Variants in RAB33B observed in about 807,000 individuals in gnomAD.
RAB33B encodes the protein RAB33B, member RAS oncogene family.
Under a neutral mutation model 15.0 loss-of-function variants are expected in RAB33B, and 6 were observed. The ratio of observed to expected loss-of-function variants is 0.40; its 90% CI spans 0.22 to 0.79. RAB33B has a LOEUF of 0.79. Among genes scored for constraint, RAB33B ranks in the 30% least tolerant of loss-of-function variants. The probability of loss-of-function intolerance (pLI) is 0.37; values close to 1 mark genes in which losing one functional copy is unlikely to be tolerated. For missense variants in RAB33B, 257 were observed against 296.4 expected (o/e 0.87, Z 0.98); for synonymous variants, 117 against 108.3 (o/e 1.08, Z -0.50).
chr4:139,476,399 A>G lies in RAB33B; in HGVS notation c.*3273A>G, dbSNP rs943497365. ...GGTCAGTTTATTTTACGTATAAGTT[A>G]CCCTTGTGTTCAAACACAAAATTGA... On this transcript the variant is annotated 3_prime_UTR_variant, in exon 2 of 2. Coordinates refer to ENST00000305626, the MANE Select transcript of RAB33B (RefSeq NM_031296.3). The G allele has an allele frequency of 1.3e-5, 2 of 152,194 alleles. No homozygotes were observed. The highest frequency in any genetic ancestry group is 4.8e-5 in the African/African-American group (2 of 41,438). 9.4% of individuals were successfully genotyped at this position (152,194 alleles called of 1,614,324 possible).
At chr4:139,470,038 TAA>T (rs1230658789) in intron 1 of RAB33B, among the ~76,000 whole-genome samples, 1 of 152,180 alleles carries the variant, frequency 6.6e-6, no homozygotes, top group Non-Finnish European at 1.5e-5. Context: ...AGGCCTGCTG[TAA>T]CTACTCCCTG....
chr4:139,442,830 C>T, the RAB33B span, among the ~76,000 whole-genome samples: 5 of 151,950 alleles, frequency 3.3e-5, no homozygotes, highest in African/African-American at 4.8e-5. Context: ...TCTAGAGAAA[C>T]CTAATACAGA....
chr4:139,470,264 T>C (rs943060431), intron 1 of RAB33B, among the ~76,000 whole-genome samples: 8 of 152,124 alleles, frequency 5.3e-5, no homozygotes, highest in African/African-American at 1.9e-4. Context: ...TCAAACTGCA[T>C]GACACAGTCC....
Position 139,454,246 on chromosome 4 carries a change from G to T in RAB33B, c.51G>T (p.Gly17=), listed in dbSNP as rs370813224. ...TCGAGGCAAGCTTTTCGTCCAGCGG[G>T]GCAGTGTCAGGGGCCTCAGGGTTTT... The part of the protein sequence containing the change: ...SSLEASFSSS[G]AVSGASGFLP... Residue 17 remains glycine, a synonymous_variant, in exon 1 of 2, where the codon GGG becomes GGT. Coordinates refer to ENST00000305626, the MANE Select transcript of RAB33B (RefSeq NM_031296.3). 1.9e-6 allele frequency: 3 copies of T among 1,614,030 alleles called. No homozygotes were observed. The African/African-American group carries it at 4.0e-5, about 22-fold the overall frequency.
Position 139,473,202 on chromosome 4 carries a change from T to C in RAB33B, c.*76T>C. The C allele has an allele frequency of 7.9e-7, 1 of 1,273,536 alleles. No individual in the cohort carries two copies. The highest frequency in any genetic ancestry group is 1.1e-6 in the Non-Finnish European group (1 of 931,774). The allele number at this position is 1,273,536 out of a possible 1,614,324, so 78.9% of individuals were successfully genotyped here. A position where few individuals can be genotyped will look rare whatever the true frequency, so the allele number is the denominator to read the frequency against. On this transcript the variant is annotated 3_prime_UTR_variant, in exon 2 of 2. Coordinates refer to ENST00000305626, the MANE Select transcript of RAB33B (RefSeq NM_031296.3). ...AGTATGACAGTATTAAGTCATAAGATTTAATCTCAACTATAATGGGTCATC... is the reference window on the plus strand; with the variant it reads ...AGTATGACAGTATTAAGTCATAAGACTTAATCTCAACTATAATGGGTCATC...
chr4:139,454,088 A>C (rs1750009958), upstream of RAB33B: 7 of 1,323,540 alleles, frequency 5.3e-6, no homozygotes, highest in Non-Finnish European at 7.1e-6. Context: ...GCTCCTGGGA[A>C]GTTGCGCAGC....
intron 1 of RAB33B, among the ~76,000 whole-genome samples, chr4:139,464,577 TCCACCCTGTGTC>T (rs1384035228): frequency 6.6e-6 from 1 of 152,050 alleles, no homozygotes; most frequent in Non-Finnish European, 1.5e-5. Context: ...TGTGATGTTC[TCCACCCTGTGTC>T]CAAGTGTTCT....
chr4:139,441,135 G>T, the RAB33B span, among the ~76,000 whole-genome samples: 16 of 152,168 alleles, frequency 1.1e-4, no homozygotes. Flanking sequence ...GCTAGCCCAG[G>T]TTTGTTCTAT....
intron 1 of RAB33B, among the ~76,000 whole-genome samples, chr4:139,461,683 G>A (rs557595359): frequency 1.3e-5 from 2 of 152,224 alleles, no homozygotes; most frequent in South Asian, 4.1e-4. Flanking sequence ...CAAATTGTGT[G>A]TATTTTTTCC....
the RAB33B span, among the ~76,000 whole-genome samples, chr4:139,447,812 G>A: frequency 6.6e-6 from 1 of 150,726 alleles, no homozygotes; most frequent in South Asian, 2.1e-4. Flanking sequence ...GACTACAGGC[G>A]CCCGCCACTA....
chr4:139,455,449 G>A (rs949419590), intron 1 of RAB33B, among the ~76,000 whole-genome samples: 6 of 152,110 alleles, frequency 3.9e-5, no homozygotes, highest in African/African-American at 1.2e-4. Context: ...TCCTACCCTC[G>A]TATCTTAGAG....
rs187013294 is a variant in RAB33B, at chr4:139,476,189, A to G, written c.*3063A>G. ...AGCTTGTTTTAGAATAGTTCAGTGC[A>G]AAAAGCAAATGGTGCAAGAGGAGTT... On this transcript the variant is annotated 3_prime_UTR_variant, in exon 2 of 2. Transcript: ENST00000305626. 6.6e-6 allele frequency: 1 copy of G among 152,374 alleles called. No individual in the cohort carries two copies. Among genetic ancestry groups the G allele is most frequent in the Non-Finnish European group, 1.5e-5 (1 of 68,038 alleles). The allele number at this position is 152,374 out of a possible 1,614,324, so 9.4% of individuals were successfully genotyped here.
intron 1 of RAB33B, among the ~76,000 whole-genome samples, chr4:139,455,024 A>G (rs368782733): frequency 6.6e-6 from 1 of 152,224 alleles, no homozygotes; most frequent in African/African-American, 2.4e-5. Flanking sequence ...GAAACATTCT[A>G]TATGTGATAG....
upstream of RAB33B, chr4:139,449,705 G>C (rs1262210282): frequency 1.3e-5 from 2 of 151,724 alleles, no homozygotes; most frequent in Non-Finnish European, 2.9e-5. Context: ...CTTGCATATG[G>C]CCTATTCTGG....
At chr4:139,452,455 G>A (rs949183786), upstream of RAB33B, 2 of 152,166 alleles carry the variant, frequency 1.3e-5, no homozygotes, top group Non-Finnish European at 2.9e-5. Context: ...CCACAGCTCT[G>A]AGTTTTCAAC....
intron 1 of RAB33B, among the ~76,000 whole-genome samples, chr4:139,467,367 A>G (rs1410254909): frequency 2.5e-4 from 4 of 16,096 alleles, no homozygotes; most frequent in African/African-American, 7.8e-4. Flanking sequence ...TGTTGTTCAG[A>G]CTGGTCTTTT....
intron 1 of RAB33B, among the ~76,000 whole-genome samples, chr4:139,468,152 C>T (rs1396993332): frequency 6.6e-6 from 1 of 152,090 alleles, no homozygotes; most frequent in Non-Finnish European, 1.5e-5. Flanking sequence ...GCCTTACAAT[C>T]AAGGCAGAAG....
chr4:139,457,364 G>A (rs1360600905), intron 1 of RAB33B, among the ~76,000 whole-genome samples: 1 of 152,186 alleles, frequency 6.6e-6, no homozygotes, highest in African/African-American at 2.4e-5. Context: ...TTCCTCGTGT[G>A]TATATCCCCT....
chr4:139,467,742 C>A (rs1750316910), intron 1 of RAB33B, among the ~76,000 whole-genome samples: 1 of 151,728 alleles, frequency 6.6e-6, no homozygotes. Context: ...CCTGTAGTCC[C>A]AGCTACTCAG....
Sources: gnomAD v4.1 joint callset for allele counts (sites outside exome capture counted in the v4.1 genomes callset) on GRCh38, gnomAD v4.1.1 for gene constraint, MANE v1.5 for transcripts, NCBI Gene and HGNC (gene_info 2026-07-23, HGNC 2026-07-21) for gene names.